The following PHF21A variants were observed in gnomAD, a reference collection of about 807,000 sequenced individuals.
PHF21A encodes the protein BHC80a.
A neutral mutation model predicts 82.5 loss-of-function variants in PHF21A; 11 were observed. That is an observed-to-expected ratio of 0.13 (90% CI 0.08 to 0.22). The LOEUF is 0.22. Among genes scored for constraint, PHF21A ranks in the 10% least tolerant of loss-of-function variants. PHF21A has a pLI of 1.00. For missense variants in PHF21A, 579 were observed against 837.8 expected, an observed-to-expected ratio of 0.69 and a Z score of 3.81; for synonymous variants, 297 against 302.8, an observed-to-expected ratio of 0.98 and a Z score of 0.20.
intron 6 of PHF21A, among the ~76,000 whole-genome samples, chr11:46,011,611 C>G (rs1376565987): frequency 6.6e-6 from 1 of 152,182 alleles, no homozygotes; most frequent in East Asian, 1.9e-4. Context: ...TGGTACTAAG[C>G]ACTGCTTTTC....
chr11:46,011,817 C>G (rs2095419453), intron 6 of PHF21A, among the ~76,000 whole-genome samples: 1 of 152,184 alleles, frequency 6.6e-6, no homozygotes, highest in Non-Finnish European at 1.5e-5. Flanking sequence ...AAAAAAATCA[C>G]TCTTAACTCT....
chr11:46,118,875 A>T (rs1199033270), intron 1 of PHF21A: 2 of 152,220 alleles, frequency 1.3e-5, no homozygotes, highest in African/African-American at 4.8e-5. Context: ...AGCAAAGCTG[A>T]CCTATTTATT....
intron 7 of PHF21A, among the ~76,000 whole-genome samples, chr11:45,972,692 T>C (rs927646140): frequency 1.3e-5 from 2 of 152,128 alleles, no homozygotes; most frequent in African/African-American, 2.4e-5. Context: ...TGCGGGTGGA[T>C]TGCCTGAGGT....
chr11:46,049,443 C>T (rs2096310917), intron 6 of PHF21A: 1 of 456,230 alleles, frequency 2.2e-6, no homozygotes, highest in Non-Finnish European at 4.4e-6. Context: ...CAGTGTATTC[C>T]TGTACAGTGG....
At chr11:46,079,765 G>C (rs2096767973) in intron 4 of PHF21A, among the ~76,000 whole-genome samples, 1 of 151,966 alleles carries the variant, frequency 6.6e-6, no homozygotes, top group Non-Finnish European at 1.5e-5. Flanking sequence ...ATTCCTCTGG[G>C]AAAGAGTGCT....
Position 46,109,058 on chromosome 11 carries a change from T to C in PHF21A, c.-237+11877A>G, listed in dbSNP as rs962983484. Among the ~76,000 whole-genome samples the C allele has an allele frequency of 4.6e-5, 7 of 152,328 alleles. No individual in the cohort carries two copies. The East Asian group carries it at 7.7e-4, about 17-fold the overall frequency. ...GCCTCAAAATGATACACTGTAGCTG[T>C]GGCCATTTCAGTAAATTGAAAACTT... On this transcript the variant is annotated intron_variant, in intron 1 of 18. Coordinates refer to ENST00000676320, the MANE Select transcript of PHF21A (RefSeq NM_001352027.3).
intron 3 of PHF21A, among the ~76,000 whole-genome samples, chr11:46,087,639 A>T (rs1405790190): frequency 6.6e-6 from 1 of 152,238 alleles, no homozygotes; most frequent in Non-Finnish European, 1.5e-5. Flanking sequence ...ATGTATTTAT[A>T]GTTTACAAAA....
chr11:46,017,117 T>C (rs1427522565), intron 6 of PHF21A, among the ~76,000 whole-genome samples: 1 of 152,104 alleles, frequency 6.6e-6, no homozygotes, highest in Non-Finnish European at 1.5e-5. Flanking sequence ...ATTACAGGCA[T>C]GTGCCACCAC....
chr11:46,075,509 A>G (rs2096714819), intron 6 of PHF21A, among the ~76,000 whole-genome samples: 1 of 152,246 alleles, frequency 6.6e-6, no homozygotes, highest in Non-Finnish European at 1.5e-5. Context: ...AGAGAACTGA[A>G]TCACATTCAG....
At chr11:46,000,631 A>C (rs1359187088) in intron 6 of PHF21A, among the ~76,000 whole-genome samples, 2 of 152,160 alleles carry the variant, frequency 1.3e-5, no homozygotes, top group Non-Finnish European at 2.9e-5. Context: ...TTAAGATATA[A>C]ATTTATGGCT....
chr11:46,015,916 A>ATCTG, intron 6 of PHF21A, among the ~76,000 whole-genome samples: 1 of 151,934 alleles, frequency 6.6e-6, no homozygotes, highest in African/African-American at 2.4e-5. Flanking sequence ...CTATCTATCT[A>ATCTG]TCTATCTATC....
intron 9 of PHF21A, among the ~76,000 whole-genome samples, chr11:45,967,852 A>T (rs911997730): frequency 6.6e-6 from 1 of 152,242 alleles, no homozygotes; most frequent in Non-Finnish European, 1.5e-5. Context: ...GCCTATAGAC[A>T]TGTATCTCTA....
chr11:45,946,526 G>A (rs2091321117), intron 14 of PHF21A, among the ~76,000 whole-genome samples: 1 of 152,146 alleles, frequency 6.6e-6, no homozygotes. Context: ...TGGGACAACA[G>A]GCGTGTGCCC....
At chr11:46,118,598 T>C (rs543268675) in intron 1 of PHF21A, 5 of 152,322 alleles carry the variant, frequency 3.3e-5, no homozygotes, top group Middle Eastern at 3.4e-3. Context: ...AATTTCCTCT[T>C]TGCCATGAAA....
chr11:45,934,868 A>G, intron 18 of PHF21A: 2 of 357,096 alleles, frequency 5.6e-6, no homozygotes, highest in Admixed American at 3.7e-5. Context: ...GAAAGAGAGG[A>G]AAGAGGTGTT....
chr11:45,935,677 G>T lies in PHF21A; in HGVS notation c.1747C>A (p.Gln583Lys). 6.8e-7 allele frequency: 1 copy of T among 1,473,134 alleles called. No homozygotes were observed. Among genetic ancestry groups the T allele is most frequent in the Non-Finnish European group, 9.2e-7 (1 of 1,085,054 alleles). The allele number at this position is 1,473,134 out of a possible 1,614,324, so 91.3% of individuals were successfully genotyped here. A position where few individuals can be genotyped will look rare whatever the true frequency, so the allele number is the denominator to read the frequency against. ...WSSDLKQERE[Q>K]LEQKVKQLSN... ...AGCTGTTTCACCTTTTGCTCTAGTTGTTCTCGTTCTTGTTTTAAATCTGAA... is the reference window on the plus strand; with the variant it reads ...AGCTGTTTCACCTTTTGCTCTAGTTTTTCTCGTTCTTGTTTTAAATCTGAA... Residue 583 changes from glutamine (Q) to lysine (K), a missense_variant, in exon 18 of 19, where the codon CAA becomes AAA. This residue lies in a region of PHF21A where 157 missense variants were observed against 149.4 expected (regional missense o/e 1.05). Transcript: ENST00000676320.
intron 15 of PHF21A, among the ~76,000 whole-genome samples, chr11:45,944,547 T>C (rs2090980442): frequency 6.6e-6 from 1 of 152,186 alleles, no homozygotes; most frequent in Non-Finnish European, 1.5e-5. Flanking sequence ...CAGCCACTTC[T>C]GAGGCCTCAT....
rs1171181336 is a variant in PHF21A at position 45,930,450 on chromosome 11, G to T, written c.*3518C>A. The stretch of plus-strand genomic sequence containing the variant: ...GCCCCTAACTGCCTCCCTATGTCAG[G>T]TACAACCAGCAGGCTTACCCCAAAG... On this transcript the variant is annotated 3_prime_UTR_variant, in exon 19 of 19. Transcript: ENST00000676320. 6.6e-6 allele frequency: 1 copy of T among 152,358 alleles called. No homozygotes were observed. Among genetic ancestry groups the T allele is most frequent in the Non-Finnish European group, 1.5e-5 (1 of 68,152 alleles). 9.4% of individuals were successfully genotyped at this position (152,358 alleles called of 1,614,324 possible). A position where few individuals can be genotyped will look rare whatever the true frequency, so the allele number is the denominator to read the frequency against.
intron 6 of PHF21A, among the ~76,000 whole-genome samples, chr11:46,053,106 C>T (rs1385366633): frequency 6.6e-6 from 1 of 152,138 alleles, no homozygotes; most frequent in Non-Finnish European, 1.5e-5. Context: ...ATTAGGATTA[C>T]ATTTTCAATT....
Sources: gnomAD v4.1 joint callset for allele counts (sites outside exome capture counted in the v4.1 genomes callset) on GRCh38, gnomAD v4.1.1 for gene constraint, gnomAD v4.1.1 regional missense constraint, MANE v1.5 for transcripts, NCBI Gene and HGNC (gene_info 2026-07-23, HGNC 2026-07-21) for gene names.